Variants in PCNX1 observed in about 807,000 individuals in gnomAD.
PCNX1 encodes the protein pecanex 1, also known as pecanex-like protein 1.
Under a neutral mutation model 242.2 loss-of-function variants are expected in PCNX1, and 78 were observed. The ratio of observed to expected loss-of-function variants is 0.32; its 90% CI spans 0.27 to 0.39. PCNX1 has a LOEUF of 0.39. Among genes scored for constraint, PCNX1 ranks in the 10% least tolerant of loss-of-function variants. PCNX1 has a pLI of 1.00. For missense variants in PCNX1, 2,581 were observed against 2,856.5 expected, an observed-to-expected ratio of 0.90 and a Z score of 2.20; for synonymous variants, 1,024 against 1,032.9, an observed-to-expected ratio of 0.99 and a Z score of 0.17.
intron 8 of PCNX1, among the ~76,000 whole-genome samples, chr14:71,008,782 C>T (rs2140507351): frequency 6.6e-6 from 1 of 151,618 alleles, no homozygotes; most frequent in East Asian, 1.9e-4. Flanking sequence ...GAGTTGTATA[C>T]CTCATTTCAT....
At chr14:71,010,980 G>A (rs541985902) in intron 9 of PCNX1, among the ~76,000 whole-genome samples, 108 of 152,210 alleles carry the variant, frequency 7.1e-4, no homozygotes, top group Middle Eastern at 3.4e-3. Flanking sequence ...GGAAACAGTA[G>A]GAGGAGGGAG....
chr14:71,103,563 C>A lies in PCNX1; in HGVS notation c.5989C>A (p.Pro1997Thr). Residue 1997 changes from proline (P) to threonine (T), a missense_variant, in exon 32 of 36, where the codon CCC (proline) becomes ACC (threonine). Transcript: ENST00000304743. ...TATTGGCTACCCAATCTTTGTCTCA[C>A]CCCTGACAACTTCTTACTCTGACAG... ...QPIGYPIFVSPLTTSYSDSHE... is the reference protein window; with the variant it reads ...QPIGYPIFVSTLTTSYSDSHE... 6.2e-7 allele frequency: 1 copy of A among 1,614,142 alleles called. No individual in the cohort carries two copies. The highest frequency in any genetic ancestry group is 8.5e-7 in the Non-Finnish European group (1 of 1,179,984).
chr14:71,047,000 T>C lies in PCNX1; in HGVS notation c.4055T>C (p.Val1352Ala). The C allele has an allele frequency of 6.2e-7, 1 of 1,610,320 alleles. No homozygotes were observed. Among genetic ancestry groups the C allele is most frequent in the Non-Finnish European group, 8.5e-7 (1 of 1,177,614 alleles). ...ATGATGTGGTTTGAGAAACTTCATG[T>C]GTGGCTTCTTTTTGTGGAGAAGAAT... ...ATMMWFEKLH[V>A]WLLFVEKNII... Residue 1352 changes from valine to alanine, a missense_variant, in exon 21 of 36, where the codon GTG becomes GCG. Physicochemically the swap from Val to Ala is moderately conservative, Grantham distance 64. This residue lies in a region of PCNX1 where 432 missense variants were observed against 443.1 expected (regional missense o/e 0.97). Transcript: ENST00000304743.
In PCNX1 at chr14:70,947,083, G is replaced by A; in HGVS notation, c.322G>A (p.Gly108Ser). 1 of 1,613,096 alleles carries A rather than the reference G, an allele frequency of 6.2e-7. No individual in the cohort carries two copies. Among genetic ancestry groups the A allele is most frequent in the Non-Finnish European group, 8.5e-7 (1 of 1,179,534 alleles). Reference sequence around the variant, plus strand: ...GGATCAGCGAACCAAAGCTGAACAAGGCAACTGTTCAACCAGGAGAAAAGA... The same window carrying A: ...GGATCAGCGAACCAAAGCTGAACAAAGCAACTGTTCAACCAGGAGAAAAGA... ...FTDQRTKAEQ[G>S]NCSTRRKDSN... is the part of the protein sequence containing the mutation. The change falls in exon 2 of 36, where the codon GGC (glycine) becomes AGC (serine). Residue 108 changes from glycine to serine, a missense_variant. Gly to Ser is a moderately conservative substitution (Grantham distance 56, BLOSUM62 0). Coordinates refer to ENST00000304743, the MANE Select transcript of PCNX1 (RefSeq NM_014982.3).
intron 30 of PCNX1, among the ~76,000 whole-genome samples, chr14:71,100,568 T>C (rs2062436429): frequency 1.3e-5 from 2 of 152,248 alleles, no homozygotes; most frequent in South Asian, 4.1e-4. Flanking sequence ...ACTGTATGCC[T>C]GGTGATGTTC....
At chr14:70,983,341 A>G (rs894929136) in intron 6 of PCNX1, among the ~76,000 whole-genome samples, 7 of 151,762 alleles carry the variant, frequency 4.6e-5, no homozygotes, top group African/African-American at 9.7e-5. Context: ...GTCTCACTCT[A>G]TTGTCCAGGC....
At position 70,978,355 on chromosome 14, in the gene PCNX1, G is replaced by A. The variant is rs138209583; in HGVS notation, c.2018G>A (p.Arg673His). 2.4e-5 allele frequency: 39 copies of A among 1,614,088 alleles called. No homozygotes were observed. The African/African-American group carries it at 3.5e-4, about 14-fold the overall frequency. ...HLVPEGTSKK[R>H]ATRRTSSTNS... ...GTTCCTGAAGGAACCAGCAAAAAGC[G>A]TGCAACACGACGGACTTCTAGCACA... Residue 673 changes from arginine (R) to histidine (H), a missense_variant, in exon 6 of 36, where the codon CGT (arginine) becomes CAT (histidine). Arg to His is a conservative substitution (Grantham distance 29). Transcript: ENST00000304743.
intron 24 of PCNX1, among the ~76,000 whole-genome samples, chr14:71,055,081 G>A (rs2061143770): frequency 6.6e-6 from 1 of 152,180 alleles, no homozygotes; most frequent in African/African-American, 2.4e-5. Context: ...CTTAGGTTCT[G>A]TGGACCACAT....
chr14:71,011,075 A>G (rs1029708238), intron 9 of PCNX1, among the ~76,000 whole-genome samples: 8 of 152,156 alleles, frequency 5.3e-5, no homozygotes, highest in Middle Eastern at 3.2e-3. Context: ...CAAGTTTTGA[A>G]ATCCAAACAT....
At chr14:71,033,315 A>G (rs2060442189) in intron 16 of PCNX1, 114 bp from the exon 17 acceptor site, 2 of 578,474 alleles carry the variant, frequency 3.5e-6, no homozygotes, top group Admixed American at 3.3e-5. Context: ...ACGTGGCTAA[A>G]AACTTTTGTT....
intron 1 of PCNX1, among the ~76,000 whole-genome samples, chr14:70,931,066 G>A (rs1239848134): frequency 6.6e-6 from 1 of 152,068 alleles, no homozygotes; most frequent in Non-Finnish European, 1.5e-5. Context: ...TAAATTTATA[G>A]GTAATATTTG....
intron 1 of PCNX1, 28 bp downstream of exon 1, chr14:70,908,031 C>T (rs1419839772): frequency 2.0e-6 from 3 of 1,533,652 alleles, no homozygotes; most frequent in Non-Finnish European, 8.7e-7. Context: ...GAGCGGGTGG[C>T]TCCTTCCCCG....
intron 8 of PCNX1, among the ~76,000 whole-genome samples, chr14:71,006,789 A>G (rs1393568147): frequency 6.6e-6 from 1 of 152,220 alleles, no homozygotes; most frequent in Non-Finnish European, 1.5e-5. Flanking sequence ...ACATTAGCAC[A>G]TTAAATTACA....
chr14:71,026,727 G>T (rs759207281), intron 14 of PCNX1, 45 bp from the exon 15 acceptor site: 1 of 833,220 alleles, frequency 1.2e-6, no homozygotes, highest in South Asian at 1.9e-5. Flanking sequence ...CACAAGAATG[G>T]ATACAGTATA....
chr14:71,028,744 A>G lies in PCNX1; in HGVS notation c.3511A>G (p.Ile1171Val). The G allele has an allele frequency of 1.9e-6, 3 of 1,608,668 alleles. No individual in the cohort carries two copies. The highest frequency in any genetic ancestry group is 2.2e-5 in the South Asian group (2 of 90,248). The change falls in exon 16 of 36, where the codon ATT (isoleucine) becomes GTT (valine). Residue 1171 changes from isoleucine (I) to valine (V), a missense_variant. By Grantham distance (29) the Ile-to-Val change is conservative. Around this residue, in one of 9 missense-constraint regions of PCNX1, gnomAD observed 432 missense variants for 443.1 expected, o/e 0.97. Coordinates refer to ENST00000304743, the MANE Select transcript of PCNX1 (RefSeq NM_014982.3). ...AGCACTTTACAGTTTTATCTGTAGCATTGTTGCAGTAGCCTTATTGTATGG... is the reference window on the plus strand; with the variant it reads ...AGCACTTTACAGTTTTATCTGTAGCGTTGTTGCAGTAGCCTTATTGTATGG... ...LAALYSFICS[I>V]VAVALLYGLC...
intron 1 of PCNX1, among the ~76,000 whole-genome samples, chr14:70,913,649 A>G (rs907097900): frequency 3.3e-5 from 5 of 152,174 alleles, no homozygotes; most frequent in East Asian, 3.8e-4. Context: ...TTAGAATGAT[A>G]TATCTTTTAT....
At position 70,952,620 on chromosome 14, in the gene PCNX1, C is replaced by T. The variant is rs986929645; in HGVS notation, c.362+5497C>T. Among the ~76,000 whole-genome samples the T allele has an allele frequency of 3.3e-5, 5 of 152,030 alleles. No homozygotes were observed. In the East Asian group the frequency reaches 5.8e-4, roughly 18 times the overall value. On this transcript the variant is annotated intron_variant, in intron 2 of 35. Coordinates refer to ENST00000304743, the MANE Select transcript of PCNX1 (RefSeq NM_014982.3). ...CAGTATATTATACTTTATTGACTCA[C>T]GCATGGTGATGTTTGTAGCTAGAGT... is the stretch of plus-strand genomic sequence containing the variant.
intron 2 of PCNX1, among the ~76,000 whole-genome samples, chr14:70,955,259 T>C (rs1435181943): frequency 2.0e-5 from 3 of 152,230 alleles, no homozygotes; most frequent in African/African-American, 7.2e-5. Context: ...GCTTATGATA[T>C]TGTAAACTAC....
chr14:71,049,955 A>G (rs1263875181), intron 22 of PCNX1, among the ~76,000 whole-genome samples: 3 of 152,348 alleles, frequency 2.0e-5, no homozygotes, highest in East Asian at 3.9e-4. Context: ...ACTGACAACA[A>G]TTAAGGTTAT....
Sources: allele counts gnomAD v4.1 joint callset (sites outside exome capture counted in the v4.1 genomes callset), GRCh38; gene constraint gnomAD v4.1.1; regional missense constraint gnomAD v4.1.1; transcripts MANE v1.5; gene names NCBI Gene and HGNC (gene_info 2026-07-23, HGNC 2026-07-21).